The following TMEM135 variants were observed in gnomAD, a reference collection of about 807,000 sequenced individuals.
The protein encoded by TMEM135 is peroxisomal membrane protein 52.
Under a neutral mutation model 60.3 loss-of-function variants are expected in TMEM135, and 30 were observed. The observed-to-expected ratio is 0.50, with a 90% confidence interval of 0.37 to 0.68. The LOEUF (loss-of-function observed/expected upper bound fraction) is 0.68. Ranked by LOEUF, TMEM135 falls within the 30% of genes least tolerant of loss-of-function variation. The pLI, the probability that TMEM135 is intolerant of heterozygous loss-of-function variation, is 0.00. For missense variants in TMEM135, 468 were observed against 548.8 expected (o/e 0.85, Z 1.47); for synonymous variants, 190 against 186.7 (o/e 1.02, Z -0.14).
chr11:87,045,718 T>A (rs1949790097), intron 1 of TMEM135, among the ~76,000 whole-genome samples: 2 of 152,252 alleles, frequency 1.3e-5, no homozygotes, highest in Admixed American at 1.3e-4. Flanking sequence ...TTATTCATTT[T>A]TTAGAAAACT....
chr11:87,209,976 T>G (rs1207233286), intron 5 of TMEM135, among the ~76,000 whole-genome samples: 1 of 152,082 alleles, frequency 6.6e-6, no homozygotes, highest in Non-Finnish European at 1.5e-5. Context: ...CTGAAACTAA[T>G]GAAAACAGAG....
intron 6 of TMEM135, among the ~76,000 whole-genome samples, chr11:87,284,520 A>G (rs1004248580): frequency 4.1e-5 from 6 of 146,822 alleles, no homozygotes; most frequent in African/African-American, 1.3e-4. Context: ...AAAGTGCACA[A>G]TTATCGTCTG....
chr11:87,308,385 T>TTTCAG (rs1942586724), intron 9 of TMEM135, among the ~76,000 whole-genome samples: 2 of 152,176 alleles, frequency 1.3e-5, no homozygotes. Context: ...TACTAGGCAA[T>TTTCAG]TTCAGTTAAG....
chr11:87,152,985 A>C (rs1938596261), intron 4 of TMEM135, among the ~76,000 whole-genome samples: 8 of 152,038 alleles, frequency 5.3e-5, no homozygotes, highest in Admixed American at 5.2e-4. Flanking sequence ...CACATATATC[A>C]GTTTCCTTAC....
In TMEM135 at chr11:87,080,791, A is replaced by G. The variant is rs184520832; in HGVS notation, c.362+9176A>G. Reference sequence around the variant, plus strand: ...AACCTCCACCCACCGGGTTCAAGCAACTCTTGTGCCTCAGTCTCCTGAGTA... The same window carrying G: ...AACCTCCACCCACCGGGTTCAAGCAGCTCTTGTGCCTCAGTCTCCTGAGTA... On this transcript the variant is annotated intron_variant, in intron 3 of 14. Transcript: ENST00000305494. Among the ~76,000 whole-genome samples, 190 of 152,126 alleles carry G rather than the reference A, an allele frequency of 1.2e-3. 1 individual carries two copies. In the South Asian group the frequency reaches 0.016, roughly 13 times the overall value.
chr11:87,075,296 C>T (rs1856848203), intron 3 of TMEM135, among the ~76,000 whole-genome samples: 1 of 151,530 alleles, frequency 6.6e-6, no homozygotes, highest in Non-Finnish European at 1.5e-5. Context: ...GTAGCTGGGA[C>T]TATAGGTGCC....
chr11:87,222,411 T>C (rs1183490199), intron 5 of TMEM135, among the ~76,000 whole-genome samples: 1 of 144,768 alleles, frequency 6.9e-6, no homozygotes, highest in African/African-American at 2.6e-5. Flanking sequence ...GGCAGGAGAA[T>C]GGCGTGAACC....
At chr11:87,302,485 T>G in intron 8 of TMEM135, 43 bp downstream of exon 8, 1 of 1,609,948 alleles carries the variant, frequency 6.2e-7, no homozygotes, top group Non-Finnish European at 8.5e-7. Context: ...TTGTCACTGT[T>G]TCATATGATA....
chr11:87,174,621 G>T (rs1440204154), intron 5 of TMEM135, among the ~76,000 whole-genome samples: 2 of 152,086 alleles, frequency 1.3e-5, no homozygotes, highest in African/African-American at 4.8e-5. Flanking sequence ...TGAGAAAAAG[G>T]AAAGAGATAT....
At chr11:87,210,559 G>A (rs1186326662) in intron 5 of TMEM135, among the ~76,000 whole-genome samples, 1 of 152,104 alleles carries the variant, frequency 6.6e-6, no homozygotes, top group African/African-American at 2.4e-5. Flanking sequence ...GGACCAGATT[G>A]ACTCACAGGT....
rs551178899 is a variant in TMEM135 at position 87,041,553 on chromosome 11, G to T, written c.141+3367G>T. On this transcript the variant is annotated intron_variant, in intron 1 of 14. Transcript: ENST00000305494. ...CAATATGATCTTTAGAAAAATTACC[G>T]AATCGCATGGAGCCTTAGTCCCCTT... 6.6e-5 allele frequency among the ~76,000 whole-genome samples: 10 copies of T among 152,220 alleles called. No homozygotes were observed. The South Asian group carries it at 2.1e-3, about 32-fold the overall frequency.
chr11:87,135,952 A>G (rs1215576001), intron 4 of TMEM135, among the ~76,000 whole-genome samples: 2 of 151,906 alleles, frequency 1.3e-5, no homozygotes, highest in Non-Finnish European at 2.9e-5. Context: ...GGTCTTGTAT[A>G]TTTTTGTTAA....
chr11:87,059,552 G>A (rs1949926368), intron 1 of TMEM135, among the ~76,000 whole-genome samples: 1 of 152,040 alleles, frequency 6.6e-6, no homozygotes, highest in Admixed American at 6.5e-5. Flanking sequence ...CTGACCTGTA[G>A]TGATCCACTC....
intron 6 of TMEM135, among the ~76,000 whole-genome samples, chr11:87,248,232 G>A (rs917660766): frequency 6.6e-6 from 1 of 152,126 alleles, no homozygotes; most frequent in Non-Finnish European, 1.5e-5. Context: ...TGAGATTGCT[G>A]TTTCATATTG....
At chr11:87,068,128 T>A (rs1235188329) in intron 2 of TMEM135, among the ~76,000 whole-genome samples, 1 of 152,230 alleles carries the variant, frequency 6.6e-6, no homozygotes. Context: ...CTTTTCAGTT[T>A]CATAGATCAG....
At chr11:87,144,794 T>G (rs1289202111) in intron 4 of TMEM135, among the ~76,000 whole-genome samples, 1 of 151,804 alleles carries the variant, frequency 6.6e-6, no homozygotes, top group Non-Finnish European at 1.5e-5. Flanking sequence ...TTGTTAGTGA[T>G]GTATCTGGGT....
intron 7 of TMEM135, among the ~76,000 whole-genome samples, chr11:87,299,808 G>A (rs527888789): frequency 7.9e-5 from 12 of 152,154 alleles, no homozygotes; most frequent in African/African-American, 2.9e-4. Context: ...CCAAGCTGTG[G>A]ATAGGAGTAA....
chr11:87,258,388 C>T (rs1941573996), intron 6 of TMEM135, among the ~76,000 whole-genome samples: 1 of 152,038 alleles, frequency 6.6e-6, no homozygotes, highest in Admixed American at 6.6e-5. Context: ...CATAGGGATT[C>T]ATAGTGGCCA....
chr11:87,210,292 G>T (rs1940334105), intron 5 of TMEM135, among the ~76,000 whole-genome samples: 1 of 152,066 alleles, frequency 6.6e-6, no homozygotes, highest in Non-Finnish European at 1.5e-5. Flanking sequence ...GAAACAAAAA[G>T]AAGATCCAAA....
Sources: gnomAD v4.1 joint callset for allele counts (sites outside exome capture counted in the v4.1 genomes callset) on GRCh38, gnomAD v4.1.1 for gene constraint, MANE v1.5 for transcripts, NCBI Gene and HGNC (gene_info 2026-07-23, HGNC 2026-07-21) for gene names.